The following CERT1 variants were observed in gnomAD, a reference collection of about 807,000 sequenced individuals.
CERT1 encodes ceramide transporter 1.
A neutral mutation model predicts 87.9 loss-of-function variants in CERT1; 31 were observed. The observed-to-expected ratio is 0.35, with a 90% CI of 0.27 to 0.48. The LOEUF (loss-of-function observed/expected upper bound fraction) is 0.48, where lower values mean the gene tolerates loss of function less well. Ranked by LOEUF, CERT1 falls within the 20% of genes least tolerant of loss-of-function variation. The probability of loss-of-function intolerance (pLI) is 0.99; values close to 1 mark genes in which losing one functional copy is unlikely to be tolerated. For synonymous variants in CERT1, 289 were observed against 250.9 expected (o/e 1.15, Z -1.44); for missense variants, 487 against 758.0 (o/e 0.64, Z 4.20).
intron 2 of CERT1, among the ~76,000 whole-genome samples, chr5:75,487,443 G>A (rs1275769616): frequency 2.0e-5 from 3 of 151,920 alleles, no homozygotes; most frequent in South Asian, 2.1e-4. Context: ...GAAATACCAC[G>A]TATGCACAGG....
In CERT1 at chr5:75,483,678, G is replaced by A. The variant is rs181186942; in HGVS notation, c.231+22304C>T. 9.5e-4 allele frequency among the ~76,000 whole-genome samples: 144 copies of A among 152,042 alleles called. 1 individual carries two copies. Among genetic ancestry groups the A allele is most frequent in the Non-Finnish European group, 1.6e-3 (111 of 67,920 alleles). Reference sequence around the variant, plus strand: ...AAGACTTCTCAGTAGAAACATTATAGAACATGAAATAAAGTGCTGAAAAAA... The same window carrying A: ...AAGACTTCTCAGTAGAAACATTATAAAACATGAAATAAAGTGCTGAAAAAA... On this transcript the variant is annotated intron_variant, in intron 2 of 16. Coordinates refer to ENST00000643780, the MANE Select transcript of CERT1 (RefSeq NM_001379029.1).
At chr5:75,429,394 G>A (rs1173341371) in intron 3 of CERT1, among the ~76,000 whole-genome samples, 3 of 151,960 alleles carry the variant, frequency 2.0e-5, no homozygotes, top group Non-Finnish European at 4.4e-5. Context: ...TAGAGACGGG[G>A]TTTCATTATG....
At chr5:75,429,532 G>A (rs1474874575) in intron 3 of CERT1, among the ~76,000 whole-genome samples, 2 of 152,004 alleles carry the variant, frequency 1.3e-5, no homozygotes, top group African/African-American at 2.4e-5. Flanking sequence ...TAAACCTCCT[G>A]CCCTGGACCA....
chr5:75,446,342 G>T (rs1230326864), intron 3 of CERT1, among the ~76,000 whole-genome samples: 1 of 151,890 alleles, frequency 6.6e-6, no homozygotes, highest in Non-Finnish European at 1.5e-5. Context: ...ATTTCTTTTT[G>T]ATTTCTTTTC....
Position 75,413,568 on chromosome 5 carries a change from T to C in CERT1, c.838-2465A>G, listed in dbSNP as rs142050289. 2.1e-3 allele frequency among the ~76,000 whole-genome samples: 316 copies of C among 152,222 alleles called. 1 individual carries two copies. The East Asian group carries it at 0.027, about 13-fold the overall frequency. ...AGGCTGTAGTATACTAATGGCTGTG[T>C]CTGTGAATAGTCATTGCACTTCAGC... On this transcript the variant is annotated intron_variant, in intron 7 of 16. Coordinates refer to ENST00000643780, the MANE Select transcript of CERT1 (RefSeq NM_001379029.1).
At chr5:75,475,526 T>C (rs371334059) in intron 2 of CERT1, among the ~76,000 whole-genome samples, 7 of 152,082 alleles carry the variant, frequency 4.6e-5, no homozygotes, top group Non-Finnish European at 7.4e-5. Context: ...CTCAAGATCA[T>C]TGTCACTCTC....
intron 3 of CERT1, among the ~76,000 whole-genome samples, chr5:75,432,048 TC>T (rs1286920751): frequency 1.5e-4 from 22 of 144,554 alleles, no homozygotes; most frequent in East Asian, 1.4e-3. Context: ...GTATAAACAT[TC>T]CCCCCCCCTT....
chr5:75,454,526 A>G (rs796663386), intron 3 of CERT1, among the ~76,000 whole-genome samples: 7 of 152,328 alleles, frequency 4.6e-5, no homozygotes, highest in African/African-American at 1.7e-4. Flanking sequence ...AGCAGAGACA[A>G]CCTGCAACAT....
intron 2 of CERT1, among the ~76,000 whole-genome samples, chr5:75,462,105 T>C (rs920352978): frequency 6.6e-6 from 1 of 152,210 alleles, no homozygotes; most frequent in Non-Finnish European, 1.5e-5. Context: ...AATTTTGTGA[T>C]TGAGGTAAGT....
At chr5:75,497,317 C>T (rs1377864212) in intron 2 of CERT1, among the ~76,000 whole-genome samples, 2 of 152,176 alleles carry the variant, frequency 1.3e-5, no homozygotes, top group South Asian at 2.1e-4. Flanking sequence ...TGAGAGACTA[C>T]TACTATGTGC....
Position 75,433,062 on chromosome 5 carries a change from G to C in CERT1, c.349-6584C>G, listed in dbSNP as rs538387712. Among the ~76,000 whole-genome samples, 5 of 152,268 alleles carry C rather than the reference G, an allele frequency of 3.3e-5. No individual in the cohort carries two copies. The East Asian group carries it at 9.6e-4, about 29-fold the overall frequency. Reference sequence around the variant, plus strand: ...AACCTATTCCACTGGTCATGTGTCTGTTTTTGTACCAGTACTATGCTGTTT... The same window carrying C: ...AACCTATTCCACTGGTCATGTGTCTCTTTTTGTACCAGTACTATGCTGTTT... On this transcript the variant is annotated intron_variant, in intron 3 of 16. Coordinates refer to ENST00000643780, the MANE Select transcript of CERT1 (RefSeq NM_001379029.1).
chr5:75,436,150 G>A (rs1311185241), intron 3 of CERT1, among the ~76,000 whole-genome samples: 1 of 152,030 alleles, frequency 6.6e-6, no homozygotes, highest in East Asian at 1.9e-4. Context: ...CTTCTGCCTC[G>A]GCCTCCCGAG....
intron 2 of CERT1, 132 bp downstream of exon 2, chr5:75,505,850 T>A: frequency 3.4e-6 from 2 of 591,452 alleles, no homozygotes; most frequent in South Asian, 7.1e-5. Context: ...GAAAAAAGTA[T>A]TAGAATGTAT....
Position 75,403,072 on chromosome 5 carries a change from C to T in CERT1, c.931-14G>A, listed in dbSNP as rs1465332036. ...GTTAGGGCCTTCCTATTCCAACACA[C>T]AGTGGAGAAAAAAGCAGTTTATTTA... On this transcript the variant is annotated splice_polypyrimidine_tract_variant and intron_variant, in intron 8 of 16. Transcript: ENST00000643780. The T allele has an allele frequency of 1.3e-6, 2 of 1,571,340 alleles. No individual in the cohort carries two copies. The highest frequency in any genetic ancestry group is 1.7e-6 in the Non-Finnish European group (2 of 1,147,038).
chr5:75,411,014 A>G lies in CERT1; in HGVS notation c.927T>C (p.Tyr309=). Reference sequence around the variant, plus strand: ...AGATCAAAATATAAATTCATACTTCATAATCTGGTCCTCCAAAGTGGGATT... The same window carrying G: ...AGATCAAAATATAAATTCATACTTCGTAATCTGGTCCTCCAAAGTGGGATT... ...KKKSHFGGPD[Y]EEGPNSLINE... Residue 309 remains tyrosine, a synonymous_variant, in exon 8 of 17, where the codon TAT becomes TAC. Transcript: ENST00000643780. 2 of 1,524,734 alleles carry G rather than the reference A, an allele frequency of 1.3e-6. No homozygotes were observed. Among genetic ancestry groups the G allele is most frequent in the Non-Finnish European group, 1.8e-6 (2 of 1,109,588 alleles). The allele number at this position is 1,524,734 out of a possible 1,614,324, so 94.5% of individuals were successfully genotyped here. A position where few individuals can be genotyped will look rare whatever the true frequency, so the allele number is the denominator to read the frequency against.
chr5:75,412,028 T>C (rs1762952629), intron 7 of CERT1, among the ~76,000 whole-genome samples: 1 of 152,238 alleles, frequency 6.6e-6, no homozygotes, highest in South Asian at 2.1e-4. Flanking sequence ...GGGTCAACAC[T>C]TAAAATAACA....
intron 11 of CERT1, among the ~76,000 whole-genome samples, chr5:75,390,743 T>C (rs1159702338): frequency 1.3e-5 from 2 of 152,212 alleles, no homozygotes; most frequent in Non-Finnish European, 2.9e-5. Context: ...ATAAAGTCTA[T>C]TCTGTTCATT....
chr5:75,486,643 G>T (rs1400433374), intron 2 of CERT1, among the ~76,000 whole-genome samples: 2 of 152,040 alleles, frequency 1.3e-5, no homozygotes, highest in African/African-American at 2.4e-5. Context: ...CAGTAAAGTT[G>T]CAGGATACAA....
rs1315393453 is a variant in CERT1, at chr5:75,405,548, C to T, written c.931-2490G>A. On this transcript the variant is annotated intron_variant, in intron 8 of 16. Coordinates refer to ENST00000643780, the MANE Select transcript of CERT1 (RefSeq NM_001379029.1). ...TGAAACCTCCTCTTCTATCTCCACA[C>T]GTATCTGCAGAAACCTGGGCCTAAT... 2.0e-5 allele frequency among the ~76,000 whole-genome samples: 3 copies of T among 152,136 alleles called. No individual in the cohort carries two copies. The East Asian group carries it at 5.8e-4, about 29-fold the overall frequency.
Sources: gnomAD v4.1 joint callset for allele counts (sites outside exome capture counted in the v4.1 genomes callset) on GRCh38, gnomAD v4.1.1 for gene constraint, MANE v1.5 for transcripts, NCBI Gene and HGNC (gene_info 2026-07-23, HGNC 2026-07-21) for gene names.